The following NPM1 variants were observed in gnomAD, a reference collection of about 807,000 sequenced individuals.
NPM1 encodes the protein nucleophosmin.
Under a neutral mutation model 44.1 loss-of-function variants are expected in NPM1, and 1 was observed. The observed-to-expected ratio is 0.02, with a 90% CI of 0.01 to 0.11. The LOEUF is 0.11. Ranked by LOEUF, NPM1 falls within the 10% of genes least tolerant of loss-of-function variation. The probability of loss-of-function intolerance (pLI) is 1.00; values close to 1 mark genes in which losing one functional copy is unlikely to be tolerated. For missense variants in NPM1, 197 were observed against 347.8 expected (o/e 0.57, Z 3.45); for synonymous variants, 126 against 111.8 (o/e 1.13, Z -0.80).
chr5:171,407,760 A>G lies in NPM1; in HGVS notation c.832A>G (p.Met278Val), dbSNP rs757963772. The change falls in exon 10 of 11, where the codon ATG becomes GTG. Residue 278 changes from methionine to valine, a missense_variant. Around this residue, in one of 5 missense-constraint regions of NPM1, gnomAD observed 47 missense variants for 106.5 expected, o/e 0.44. Coordinates refer to ENST00000296930, the MANE Select transcript of NPM1 (RefSeq NM_002520.7). ...FINYVKNCFR[M>V]TDQEAIQDLW... is the part of the protein sequence containing the mutation. ...CAATTATGTGAAGAATTGCTTCCGG[A>G]TGACTGACCAAGAGGTAACTGGATT... The G allele has an allele frequency of 3.7e-6, 6 of 1,608,348 alleles. No homozygotes were observed. The highest frequency in any genetic ancestry group is 5.1e-6 in the Non-Finnish European group (6 of 1,175,248).
Position 171,405,344 on chromosome 5 carries a change from C to A in NPM1, c.712C>A (p.Pro238Thr), listed in dbSNP as rs756636316. The A allele has an allele frequency of 4.4e-6, 7 of 1,596,590 alleles. No individual in the cohort carries two copies. The highest frequency in any genetic ancestry group is 6.0e-6 in the Non-Finnish European group (7 of 1,167,778). Residue 238 changes from proline to threonine, a missense_variant, in exon 9 of 11, where the codon CCA (proline) becomes ACA (threonine). By Grantham distance (38) the Pro-to-Thr change is conservative. Coordinates refer to ENST00000296930, the MANE Select transcript of NPM1 (RefSeq NM_002520.7). ...GAAACAGGAAAAAACTCCTAAAACACCAAAAGGACCTAGTTCTGTAGAAGA... is the reference window on the plus strand; with the variant it reads ...GAAACAGGAAAAAACTCCTAAAACAACAAAAGGACCTAGTTCTGTAGAAGA... ...FKKQEKTPKT[P>T]KGPSSVEDIK...
At chr5:171,407,654 CGG>C (rs780622115) in intron 9 of NPM1, 44 bp from the exon 10 acceptor site, 131 of 1,039,056 alleles carry the variant, frequency 1.3e-4, no homozygotes, top group Non-Finnish European at 1.7e-4. Flanking sequence ...GTATCTCTCT[CGG>C]TGTATTTCTC....
intron 8 of NPM1, among the ~76,000 whole-genome samples, chr5:171,402,223 A>G (rs1386088545): frequency 3.3e-5 from 5 of 150,810 alleles, no homozygotes; most frequent in South Asian, 2.1e-4. Context: ...ACTTTTCAAA[A>G]GACATACAAG....
At chr5:171,400,307 T>TGGGAGATGATCTCATACTGA in intron 7 of NPM1, 97 bp downstream of exon 7, 1 of 1,234,268 alleles carries the variant, frequency 8.1e-7, no homozygotes, top group Non-Finnish European at 1.2e-6. Flanking sequence ...GAAGCTGGTG[T>TGGGAGATGATCTCATACTGA]GGGAGATCAT....
At chr5:171,393,483 T>C (rs1234308412) in intron 6 of NPM1, among the ~76,000 whole-genome samples, 2 of 152,222 alleles carry the variant, frequency 1.3e-5, no homozygotes, top group Non-Finnish European at 2.9e-5. Flanking sequence ...TTTCTTGGGA[T>C]TTAAAATATG....
intron 9 of NPM1, among the ~76,000 whole-genome samples, chr5:171,407,290 G>A (rs1430517932): frequency 6.6e-6 from 1 of 152,074 alleles, no homozygotes; most frequent in African/African-American, 2.4e-5. Flanking sequence ...GTGGGGTTTT[G>A]TTTGTTTGTT....
chr5:171,397,016 A>G (rs1224569619), intron 6 of NPM1, among the ~76,000 whole-genome samples: 1 of 152,186 alleles, frequency 6.6e-6, no homozygotes, highest in Non-Finnish European at 1.5e-5. Flanking sequence ...ATAGTTGTGT[A>G]GCCATCACCA....
chr5:171,396,314 A>G (rs1199519151), intron 6 of NPM1, among the ~76,000 whole-genome samples: 1 of 152,188 alleles, frequency 6.6e-6, no homozygotes, highest in Non-Finnish European at 1.5e-5. Context: ...TTTGATAGCT[A>G]TTTTGATAGT....
At chr5:171,392,621 C>A in intron 4 of NPM1, 89 bp from the exon 5 acceptor site, 2 of 663,268 alleles carry the variant, frequency 3.0e-6, no homozygotes, top group South Asian at 2.5e-5. Context: ...ATAGAAGTCT[C>A]AGTTTTTAGA....
intron 6 of NPM1, among the ~76,000 whole-genome samples, chr5:171,393,530 G>C (rs1407187764): frequency 6.6e-6 from 1 of 152,160 alleles, no homozygotes; most frequent in African/African-American, 2.4e-5. Context: ...TATTAAACTA[G>C]ATCAAACTAT....
chr5:171,395,470 T>C (rs945927603), intron 6 of NPM1, among the ~76,000 whole-genome samples: 1 of 152,112 alleles, frequency 6.6e-6, no homozygotes, highest in Admixed American at 6.5e-5. Flanking sequence ...TGGCTAAGTT[T>C]TGTATTTTTA....
intron 1 of NPM1, 38 bp downstream of exon 1, chr5:171,388,044 G>T (rs1226003236): frequency 6.6e-7 from 1 of 1,525,410 alleles, no homozygotes; most frequent in African/African-American, 1.4e-5. Flanking sequence ...GCCGAGCGGG[G>T]CCTGGTGGCG....
At position 171,389,977 on chromosome 5, in the gene NPM1, C is replaced by T. The variant is rs549742113; in HGVS notation, c.59-74C>T. Reference sequence around the variant, plus strand: ...AACTAGTTCAAAAGTTAGACCTGACCTTTTTGGTTACCCACACTTAAGTTT... The same window carrying T: ...AACTAGTTCAAAAGTTAGACCTGACTTTTTTGGTTACCCACACTTAAGTTT... On this transcript the variant is annotated intron_variant, in intron 1 of 10. Transcript: ENST00000296930. The T allele has an allele frequency of 6.8e-4, 592 of 875,236 alleles. 1 individual carries two copies. The African/African-American group carries it at 8.6e-3, about 13-fold the overall frequency. The allele number at this position is 875,236 out of a possible 1,614,324, so 54.2% of individuals were successfully genotyped here.
At chr5:171,400,695 C>T (rs1035268967) in intron 7 of NPM1, 144 bp from the exon 8 acceptor site, 233 of 576,662 alleles carry the variant, frequency 4.0e-4, no homozygotes, top group Middle Eastern at 3.3e-3. Context: ...ATCCACCTGC[C>T]TCGGCCTCCC....
chr5:171,389,473 C>T (rs1009027950), intron 1 of NPM1, among the ~76,000 whole-genome samples: 5 of 152,154 alleles, frequency 3.3e-5, no homozygotes, highest in Non-Finnish European at 7.4e-5. Flanking sequence ...TATATCAGTA[C>T]TTTTTGATAA....
chr5:171,391,930 T>C (rs1156800446), intron 4 of NPM1, 131 bp downstream of exon 4: 14 of 477,780 alleles, frequency 2.9e-5, no homozygotes, highest in Non-Finnish European at 5.2e-5. Flanking sequence ...AGTCTAGAAA[T>C]TGGAGAGGAC....
intron 2 of NPM1, chr5:171,390,992 G>A (rs1384897719): frequency 5.3e-6 from 1 of 189,112 alleles, no homozygotes; most frequent in Non-Finnish European, 1.1e-5. Context: ...TAAGTGTTGG[G>A]ATTACAGGCA....
At chr5:171,396,466 C>T (rs1770891872) in intron 6 of NPM1, among the ~76,000 whole-genome samples, 2 of 152,180 alleles carry the variant, frequency 1.3e-5, no homozygotes, top group African/African-American at 2.4e-5. Context: ...GTTAAAAAGC[C>T]ACTTGAAGGG....
intron 9 of NPM1, chr5:171,406,787 T>C (rs1771595015): frequency 1.3e-5 from 12 of 920,802 alleles, no homozygotes; most frequent in Admixed American, 5.4e-5. Context: ...TTTACTAGGT[T>C]ATTGGAGGCA....
Sources: gnomAD v4.1 joint callset for allele counts (sites outside exome capture counted in the v4.1 genomes callset) on GRCh38, gnomAD v4.1.1 for gene constraint, gnomAD v4.1.1 regional missense constraint, MANE v1.5 for transcripts, NCBI Gene and HGNC (gene_info 2026-07-23, HGNC 2026-07-21) for gene names.